The following FBN2 variants were observed in gnomAD, a reference collection of about 807,000 sequenced individuals.
FBN2 encodes fibrillin 2, also known as fibrillin-2.
Under a neutral mutation model 355.6 loss-of-function variants are expected in FBN2, and 105 were observed. That is an observed-to-expected ratio of 0.30 (90% CI 0.25 to 0.35). The LOEUF is 0.35. Ranked by LOEUF, FBN2 falls within the 10% of genes least tolerant of loss-of-function variation. FBN2 has a pLI of 1.00. For missense variants in FBN2, 3,280 were observed against 3,758.7 expected, an observed-to-expected ratio of 0.87 and a Z score of 3.33; for synonymous variants, 1,350 against 1,301.2, an observed-to-expected ratio of 1.04 and a Z score of -0.81.
chr5:128,352,092 T>C (rs184276394), intron 20 of FBN2, among the ~76,000 whole-genome samples: 2 of 152,248 alleles, frequency 1.3e-5, no homozygotes, highest in African/African-American at 4.8e-5. Context: ...AATTATTTGA[T>C]GAATAATTTA....
Position 128,305,616 on chromosome 5 carries a change from C to G in FBN2, c.5569G>C (p.Gly1857Arg). 1 of 1,613,960 alleles carries G rather than the reference C, an allele frequency of 6.2e-7. No individual in the cohort carries two copies. Among genetic ancestry groups the G allele is most frequent in the Non-Finnish European group, 8.5e-7 (1 of 1,179,874 alleles). Residue 1857 changes from glycine to arginine, a missense_variant, in exon 44 of 65, where the codon GGT becomes CGT. This residue lies in a region of FBN2 where 2,284 missense variants were observed against 2,749.5 expected (regional missense o/e 0.83). Coordinates refer to ENST00000262464, the MANE Select transcript of FBN2 (RefSeq NM_001999.4). The part of the protein sequence containing the change: ...VCEDIDECSN[G>R]DNLCQRNADC... ...GCATTCCGCTGGCAGAGATTATCAC[C>G]ATTGCTGCACTCATCTATATCTGAA...
chr5:128,399,912 CA>C (rs1183436866), intron 8 of FBN2, among the ~76,000 whole-genome samples: 2 of 150,964 alleles, frequency 1.3e-5, no homozygotes, highest in African/African-American at 4.9e-5. Flanking sequence ...GAAAAAAATA[CA>C]AAAAAAGTAA....
chr5:128,409,248 TA>T (rs960614680), intron 7 of FBN2, among the ~76,000 whole-genome samples: 1 of 152,206 alleles, frequency 6.6e-6, no homozygotes, highest in Non-Finnish European at 1.5e-5. Flanking sequence ...AACTTTTTTT[TA>T]AACTTGGCTT....
intron 2 of FBN2, among the ~76,000 whole-genome samples, chr5:128,531,621 T>C (rs1756707502): frequency 6.6e-6 from 1 of 151,894 alleles, no homozygotes; most frequent in Non-Finnish European, 1.5e-5. Flanking sequence ...CATGGTAGAA[T>C]AAAATAAAGC....
Position 128,328,701 on chromosome 5 carries a change from C to A in FBN2, c.4466G>T (p.Cys1489Phe), listed in dbSNP as rs374977692. 6.2e-7 allele frequency: 1 copy of A among 1,613,976 alleles called. No homozygotes were observed. Among genetic ancestry groups the A allele is most frequent in the Non-Finnish European group, 8.5e-7 (1 of 1,180,010 alleles). Reference protein sequence around the residue: ...GFTPASDSRSCQDIDECSFQN... With the variant: ...GFTPASDSRSFQDIDECSFQN... ...TTGGAATCCTGGTGACCCACCTTGG[C>A]AGGATCTGCTGTCTGAGGCTGGAGT... Residue 1489 changes from cysteine (C) to phenylalanine (F), a missense_variant, in exon 34 of 65, where the codon TGC becomes TTC. By Grantham distance (205) the Cys-to-Phe change is radical. This residue lies in a region of FBN2 where 2,284 missense variants were observed against 2,749.5 expected (regional missense o/e 0.83). Transcript: ENST00000262464.
At chr5:128,367,341 T>C (rs1009220629) in intron 16 of FBN2, among the ~76,000 whole-genome samples, 1 of 152,162 alleles carries the variant, frequency 6.6e-6, no homozygotes, top group Non-Finnish European at 1.5e-5. Flanking sequence ...AATGGCACCT[T>C]ATTTTTAATT....
intron 6 of FBN2, among the ~76,000 whole-genome samples, chr5:128,452,478 T>G (rs1754276983): frequency 6.6e-6 from 1 of 152,158 alleles, no homozygotes; most frequent in African/African-American, 2.4e-5. Context: ...CGTGTAAACT[T>G]GTTCTAAAAA....
In FBN2 at chr5:128,312,752, T is replaced by C; in HGVS notation, c.4761A>G (p.Gly1587=). Residue 1587 remains glycine (G), a synonymous_variant, in exon 37 of 65, where the codon GGA becomes GGG. Transcript: ENST00000262464. The part of the protein sequence containing the change: ...GNCYLKFGPR[G]DGSLSCNTEI... ...CGGTGTTGCAAGACAGACTCCCATC[T>C]CCTCGAGGTCCAAACTTCAGGTAGC... The C allele has an allele frequency of 6.2e-7, 1 of 1,613,798 alleles. No homozygotes were observed. The highest frequency in any genetic ancestry group is 2.2e-5 in the East Asian group (1 of 44,872).
At chr5:128,355,914 T>C (rs541608934) in intron 20 of FBN2, among the ~76,000 whole-genome samples, 1 of 152,194 alleles carries the variant, frequency 6.6e-6, no homozygotes, top group Non-Finnish European at 1.5e-5. Flanking sequence ...TCTTGTTTAG[T>C]TAATAAATAT....
chr5:128,524,501 G>A (rs1383131917), intron 4 of FBN2, among the ~76,000 whole-genome samples: 1 of 152,174 alleles, frequency 6.6e-6, no homozygotes, highest in Non-Finnish European at 1.5e-5. Context: ...TGAAATGGAT[G>A]AAATAGAAGA....
intron 60 of FBN2, 148 bp from the exon 61 acceptor site, chr5:128,274,116 A>G (rs1186643797): frequency 1.2e-6 from 1 of 849,598 alleles, no homozygotes; most frequent in Non-Finnish European, 2.0e-6. Flanking sequence ...ATTCACTGTC[A>G]TATTAAAGAC....
intron 5 of FBN2, among the ~76,000 whole-genome samples, chr5:128,476,819 A>C (rs1476322455): frequency 1.3e-5 from 2 of 152,172 alleles, no homozygotes; most frequent in East Asian, 3.9e-4. Flanking sequence ...ACAGCACACC[A>C]TTATTACAAT....
chr5:128,469,258 G>A (rs936959923), intron 5 of FBN2, among the ~76,000 whole-genome samples: 5 of 152,180 alleles, frequency 3.3e-5, no homozygotes, highest in South Asian at 2.1e-4. Flanking sequence ...TGGAAGCAAG[G>A]TGCACCTAGG....
chr5:128,400,757 G>A (rs143635993), intron 8 of FBN2, among the ~76,000 whole-genome samples: 2 of 152,202 alleles, frequency 1.3e-5, no homozygotes, highest in East Asian at 3.9e-4. Flanking sequence ...ACAATTCATG[G>A]ACCAAATACA....
In FBN2 at chr5:128,309,294, C is replaced by T. The variant is rs777079563; in HGVS notation, c.5306G>A (p.Gly1769Asp). 1.6e-5 allele frequency: 26 copies of T among 1,614,108 alleles called. No individual in the cohort carries two copies. Among genetic ancestry groups the T allele is most frequent in the Non-Finnish European group, 1.9e-5 (23 of 1,179,994 alleles). The change falls in exon 41 of 65, where the codon GGC becomes GAC. Residue 1769 changes from glycine (G) to aspartate (D), a missense_variant. Gly to Asp is a moderately conservative substitution (Grantham distance 94). Around this residue, in one of 6 missense-constraint regions of FBN2, gnomAD observed 2,284 missense variants for 2,749.5 expected, o/e 0.83. Coordinates refer to ENST00000262464, the MANE Select transcript of FBN2 (RefSeq NM_001999.4). ...TTCACAAGGTTTGTTCCAGGCTTTG[C>T]CCACATTATATGTGCAGCAGCACAT... ...KRMCCCTYNV[G>D]KAWNKPCEPC...
At chr5:128,482,280 T>G (rs1158214992) in intron 5 of FBN2, among the ~76,000 whole-genome samples, 1 of 151,930 alleles carries the variant, frequency 6.6e-6, no homozygotes, top group Non-Finnish European at 1.5e-5. Flanking sequence ...AAGACACACA[T>G]TTGGAAATTT....
intron 42 of FBN2, among the ~76,000 whole-genome samples, chr5:128,306,785 A>C (rs1262143180): frequency 6.6e-6 from 1 of 152,192 alleles, no homozygotes; most frequent in African/African-American, 2.4e-5. Context: ...AAAATTAAAA[A>C]ATGTACTTAA....
At chr5:128,259,913 G>T in intron 64 of FBN2, 84 bp from the exon 65 acceptor site, 2 of 1,446,830 alleles carry the variant, frequency 1.4e-6, no homozygotes, top group Non-Finnish European at 9.6e-7. Context: ...CAGGGGCTTT[G>T]GTCACGAGGA....
chr5:128,290,649 T>C, intron 50 of FBN2, 83 bp downstream of exon 50: 3 of 1,371,452 alleles, frequency 2.2e-6, no homozygotes, highest in Non-Finnish European at 3.1e-6. Context: ...CAAAATATTC[T>C]TAAATTACAT....
Sources: gnomAD v4.1 joint callset for allele counts (sites outside exome capture counted in the v4.1 genomes callset) on GRCh38, gnomAD v4.1.1 for gene constraint, gnomAD v4.1.1 regional missense constraint, MANE v1.5 for transcripts, NCBI Gene and HGNC (gene_info 2026-07-23, HGNC 2026-07-21) for gene names.